Variants in SLC2A9 observed in about 807,000 individuals in gnomAD.
The protein encoded by SLC2A9 is solute carrier family 2 member 9.
A neutral mutation model predicts 50.6 loss-of-function variants in SLC2A9; 39 were observed. The observed-to-expected ratio is 0.77, with a 90% CI of 0.60 to 1.01. The LOEUF is 1.01. Among genes scored for constraint, SLC2A9 ranks in the 50% least tolerant of loss-of-function variants. SLC2A9 has a pLI of 0.00. For synonymous variants in SLC2A9, 324 were observed against 276.9 expected (o/e 1.17, Z -1.69); for missense variants, 686 against 677.6 (o/e 1.01, Z -0.14).
At chr4:9,883,943 A>T (rs1186081657) in intron 10 of SLC2A9, among the ~76,000 whole-genome samples, 1 of 152,140 alleles carries the variant, frequency 6.6e-6, no homozygotes, top group African/African-American at 2.4e-5. Flanking sequence ...AGAGGGTGTT[A>T]CCCCAGGTCA....
At chr4:9,845,044 C>T (rs535400673) in intron 10 of SLC2A9, among the ~76,000 whole-genome samples, 5 of 151,912 alleles carry the variant, frequency 3.3e-5, no homozygotes, top group South Asian at 2.1e-4. Flanking sequence ...GACAGAGTCT[C>T]GCTCTGTTGT....
chr4:9,934,515 T>C lies in SLC2A9; in HGVS notation c.814+7398A>G, dbSNP rs538267172. Among the ~76,000 whole-genome samples, 593 of 152,336 alleles carry C rather than the reference T, an allele frequency of 3.9e-3. 1 individual carries two copies. The highest frequency in any genetic ancestry group is 6.9e-3 in the Admixed American group (105 of 15,302). ...GGAAGTTTCCATCCTGACAGAGGTC[T>C]GGGATTGTTGCTGGAAAGGCCCTTT... is the stretch of plus-strand genomic sequence containing the variant. On this transcript the variant is annotated intron_variant, in intron 6 of 11. Transcript: ENST00000264784.
intron 3 of SLC2A9, among the ~76,000 whole-genome samples, chr4:9,989,406 T>C (rs1199608015): frequency 2.0e-5 from 3 of 152,182 alleles, no homozygotes; most frequent in Admixed American, 2.0e-4. Flanking sequence ...CTATTTCATA[T>C]GTTTTCTCTC....
At chr4:9,827,735 C>T (rs1316339538) in intron 11 of SLC2A9, among the ~76,000 whole-genome samples, 1 of 152,178 alleles carries the variant, frequency 6.6e-6, no homozygotes, top group African/African-American at 2.4e-5. Context: ...AAATGTTCCA[C>T]ACCTGGGGGT....
At chr4:10,007,854 T>C (rs1227935886) in intron 2 of SLC2A9, among the ~76,000 whole-genome samples, 2 of 152,184 alleles carry the variant, frequency 1.3e-5, no homozygotes, top group Non-Finnish European at 2.9e-5. Flanking sequence ...AACTCATTTA[T>C]AGAATGGGAA....
intron 8 of SLC2A9, among the ~76,000 whole-genome samples, chr4:9,896,693 AGTTTT>A (rs1311106886): frequency 6.6e-6 from 1 of 152,142 alleles, no homozygotes; most frequent in African/African-American, 2.4e-5. Flanking sequence ...TGCTTCTAGA[AGTTTT>A]AGAGTTTAGC....
intron 3 of SLC2A9, among the ~76,000 whole-genome samples, chr4:9,995,172 C>T (rs567378943): frequency 6.6e-6 from 1 of 152,236 alleles, no homozygotes; most frequent in Non-Finnish European, 1.5e-5. Context: ...GACCCCACAG[C>T]AGATAGAAAA....
intron 1 of SLC2A9, among the ~76,000 whole-genome samples, chr4:10,019,954 C>T (rs1262155663): frequency 6.6e-6 from 1 of 152,224 alleles, no homozygotes; most frequent in Non-Finnish European, 1.5e-5. Flanking sequence ...TGGCTGTCCT[C>T]AGCTGGTCAG....
At chr4:9,867,902 T>A (rs1732747538) in intron 10 of SLC2A9, among the ~76,000 whole-genome samples, 1 of 152,174 alleles carries the variant, frequency 6.6e-6, no homozygotes, top group African/African-American at 2.4e-5. Flanking sequence ...AATTCACACA[T>A]GCAACTCACA....
intron 8 of SLC2A9, among the ~76,000 whole-genome samples, chr4:9,894,613 G>C (rs958924363): frequency 6.6e-6 from 1 of 152,222 alleles, no homozygotes; most frequent in South Asian, 2.1e-4. Flanking sequence ...ACCCATACTG[G>C]CAATTTTTCA....
At chr4:9,994,664 G>A (rs1758315647) in intron 3 of SLC2A9, among the ~76,000 whole-genome samples, 1 of 151,228 alleles carries the variant, frequency 6.6e-6, no homozygotes, top group South Asian at 2.1e-4. Context: ...GAGAAGTGAG[G>A]TGTCAAAGTC....
chr4:9,819,698 C>T (rs553771070), intron 3 of SLC2A9, among the ~76,000 whole-genome samples: 1 of 152,360 alleles, frequency 6.6e-6, no homozygotes, highest in East Asian at 1.9e-4. Flanking sequence ...CTTTGGGAGG[C>T]CAAGGCGTGC....
intron 10 of SLC2A9, among the ~76,000 whole-genome samples, chr4:9,852,596 G>T (rs1207502893): frequency 6.6e-6 from 1 of 152,152 alleles, no homozygotes; most frequent in African/African-American, 2.4e-5. Context: ...GAATTTTGTA[G>T]CCAGTCAAAC....
chr4:9,890,191 C>A (rs1301551175), intron 9 of SLC2A9, among the ~76,000 whole-genome samples: 1 of 152,212 alleles, frequency 6.6e-6, no homozygotes, highest in Non-Finnish European at 1.5e-5. Context: ...GCTCCAGAGC[C>A]ACTGTTCCTA....
chr4:9,976,883 A>T (rs1261273073), intron 5 of SLC2A9, among the ~76,000 whole-genome samples: 3 of 152,138 alleles, frequency 2.0e-5, no homozygotes, highest in Non-Finnish European at 4.4e-5. Flanking sequence ...TCCCCTGCAG[A>T]GCTACTCCTT....
At chr4:9,869,210 C>A (rs965874513) in intron 10 of SLC2A9, among the ~76,000 whole-genome samples, 4 of 152,100 alleles carry the variant, frequency 2.6e-5, no homozygotes, top group East Asian at 3.9e-4. Context: ...GTGGATGGAA[C>A]GGGGGAGTGG....
chr4:9,958,484 G>A (rs547951753), intron 5 of SLC2A9, among the ~76,000 whole-genome samples: 1 of 152,252 alleles, frequency 6.6e-6, no homozygotes, highest in African/African-American at 2.4e-5. Flanking sequence ...CACACAATGG[G>A]GCCTGTTGGA....
At chr4:9,780,647 G>A (rs1270826992) in intron 3 of SLC2A9, among the ~76,000 whole-genome samples, 1 of 152,220 alleles carries the variant, frequency 6.6e-6, no homozygotes, top group Admixed American at 6.5e-5. Flanking sequence ...GCTGGCTGCT[G>A]TCACATCCCT....
chr4:9,875,426 T>G (rs1029349442), intron 10 of SLC2A9, among the ~76,000 whole-genome samples: 2 of 152,278 alleles, frequency 1.3e-5, no homozygotes, highest in East Asian at 1.9e-4. Flanking sequence ...TGTCTTCTTG[T>G]GCAGTGCACA....
Sources: gnomAD v4.1 joint callset for allele counts (sites outside exome capture counted in the v4.1 genomes callset) on GRCh38, gnomAD v4.1.1 for gene constraint, MANE v1.5 for transcripts, NCBI Gene and HGNC (gene_info 2026-07-23, HGNC 2026-07-21) for gene names.